The following PCDHA12 variants were observed in gnomAD, a reference collection of about 807,000 sequenced individuals.
The protein encoded by PCDHA12 is protocadherin alpha 12.
A neutral mutation model predicts 60.0 loss-of-function variants in PCDHA12; 44 were observed. The ratio of observed to expected loss-of-function variants is 0.73; its 90% CI spans 0.58 to 0.94. The LOEUF is 0.94. PCDHA12 is among the 40% of genes least tolerant of loss of function. PCDHA12 has a pLI of 0.00. For missense variants in PCDHA12, 1,276 were observed against 1,239.7 expected, an observed-to-expected ratio of 1.03 and a Z score of -0.44; for synonymous variants, 569 against 553.0, an observed-to-expected ratio of 1.03 and a Z score of -0.40.
At chr5:140,891,431 A>G (rs912407002) in intron 1 of PCDHA12, among the ~76,000 whole-genome samples, 1 of 143,446 alleles carries the variant, frequency 7.0e-6, no homozygotes, top group Non-Finnish European at 1.5e-5. Context: ...CAAGTCCCCA[A>G]CGTCCATTGT....
chr5:140,929,077 A>C, intron 1 of PCDHA12: 1 of 1,614,168 alleles, frequency 6.2e-7, no homozygotes, highest in Non-Finnish European at 8.5e-7. Flanking sequence ...GAGGTATGGA[A>C]GTAAGATGGT....
At chr5:140,893,066 A>G (rs1221245824) in intron 1 of PCDHA12, among the ~76,000 whole-genome samples, 1 of 152,248 alleles carries the variant, frequency 6.6e-6, no homozygotes, top group Admixed American at 6.5e-5. Flanking sequence ...ACTGCCATGA[A>G]TAACAGGATT....
At chr5:140,972,353 T>C (rs571045648) in intron 1 of PCDHA12, among the ~76,000 whole-genome samples, 5 of 152,058 alleles carry the variant, frequency 3.3e-5, no homozygotes, top group South Asian at 2.1e-4. Flanking sequence ...TCTCACTATG[T>C]TGCACATGCT....
At position 140,928,998 on chromosome 5, in the gene PCDHA12, C is replaced by G. The variant is rs1448389331; in HGVS notation, c.2368-49951C>G. On this transcript the variant is annotated intron_variant, in intron 1 of 3. Coordinates refer to ENST00000398631, the MANE Select transcript of PCDHA12 (RefSeq NM_018903.4). The stretch of plus-strand genomic sequence containing the variant: ...TATTTCTGGGGTGCTTACTTTTCTT[C>G]GTGTGTACCAAGTTGCACCAGAGCC... The G allele has an allele frequency of 8.1e-6, 13 of 1,613,784 alleles. No individual in the cohort carries two copies. The Admixed American group carries it at 2.2e-4, about 27-fold the overall frequency.
intron 3 of PCDHA12, among the ~76,000 whole-genome samples, chr5:140,997,706 A>G (rs1387378770): frequency 3.3e-5 from 5 of 151,686 alleles, no homozygotes; most frequent in African/African-American, 1.2e-4. Flanking sequence ...GTATGTTAAC[A>G]AACACCTTTC....
intron 1 of PCDHA12, among the ~76,000 whole-genome samples, chr5:140,894,231 G>A (rs1265861426): frequency 1.3e-5 from 2 of 151,980 alleles, no homozygotes; most frequent in South Asian, 2.1e-4. Flanking sequence ...GATGTTGAAT[G>A]ACAATGTAAT....
At chr5:141,001,030 G>A (rs1356604139) in intron 3 of PCDHA12, among the ~76,000 whole-genome samples, 1 of 151,894 alleles carries the variant, frequency 6.6e-6, no homozygotes, top group Non-Finnish European at 1.5e-5. Context: ...TATAATAATA[G>A]CTTTAATTAA....
rs376929883 is a variant in PCDHA12 at position 140,967,867 on chromosome 5, C to T, written c.2368-11082C>T. Reference sequence around the variant, plus strand: ...ATGACAATGCCCCAGAGGTGGTGCTCACGGACCTGTATAGCCCAGTGCCTG... The same window carrying T: ...ATGACAATGCCCCAGAGGTGGTGCTTACGGACCTGTATAGCCCAGTGCCTG... On this transcript the variant is annotated intron_variant, in intron 1 of 3. Coordinates refer to ENST00000398631, the MANE Select transcript of PCDHA12 (RefSeq NM_018903.4). 48 of 1,614,012 alleles carry T rather than the reference C, an allele frequency of 3.0e-5. No individual in the cohort carries two copies. The African/African-American group carries it at 6.0e-4, about 20-fold the overall frequency.
At chr5:140,895,863 G>A (rs1450764434) in intron 1 of PCDHA12, among the ~76,000 whole-genome samples, 3 of 152,162 alleles carry the variant, frequency 2.0e-5, no homozygotes, top group African/African-American at 7.2e-5. Flanking sequence ...CCAGGCTGGA[G>A]TGCAATGGCG....
At position 140,884,460 on chromosome 5, in the gene PCDHA12, C is replaced by T. The variant is rs782410675; in HGVS notation, c.2367+6621C>T. ...TGCTCGGCACCGCCCACCGAGGGCG[C>T]GTGCGCGCCGGGCAAGCCCACTCTA... On this transcript the variant is annotated intron_variant, in intron 1 of 3. Coordinates refer to ENST00000398631, the MANE Select transcript of PCDHA12 (RefSeq NM_018903.4). The T allele has an allele frequency of 2.5e-6, 4 of 1,613,730 alleles. No homozygotes were observed. The highest frequency in any genetic ancestry group is 3.3e-5 in the Admixed American group (2 of 59,998).
intron 1 of PCDHA12, among the ~76,000 whole-genome samples, chr5:140,935,413 T>C (rs1011900671): frequency 1.3e-5 from 2 of 152,246 alleles, no homozygotes; most frequent in Non-Finnish European, 2.9e-5. Flanking sequence ...ACAATGGACT[T>C]AGAAAACAAT....
intron 1 of PCDHA12, among the ~76,000 whole-genome samples, chr5:140,925,937 C>T (rs1244990026): frequency 1.4e-5 from 2 of 138,450 alleles, no homozygotes; most frequent in East Asian, 3.9e-4. Flanking sequence ...AGTAGAGCCT[C>T]TTGGAGAAGG....
intron 1 of PCDHA12, chr5:140,883,531 T>C (rs782406173): frequency 6.8e-6 from 11 of 1,614,092 alleles, no homozygotes; most frequent in Middle Eastern, 1.6e-4. Flanking sequence ...TATCAGCCTA[T>C]GAACTGGTGG....
At position 141,010,553 on chromosome 5, in the gene PCDHA12, C is replaced by T; in HGVS notation, c.*616C>T. ...CCACCCTCTAGGAGACAAAACTACC[C>T]CCACTGACAAGGCTTTAGGAGACCC... is the stretch of plus-strand genomic sequence containing the variant. On this transcript the variant is annotated 3_prime_UTR_variant, in exon 4 of 4. Transcript: ENST00000398631. The T allele has an allele frequency of 6.2e-6, 2 of 323,850 alleles. No homozygotes were observed. The highest frequency in any genetic ancestry group is 1.1e-5 in the Non-Finnish European group (2 of 176,368). 20.1% of individuals were successfully genotyped at this position (323,850 alleles called of 1,614,324 possible). A position where few individuals can be genotyped will look rare whatever the true frequency, so the allele number is the denominator to read the frequency against.
intron 1 of PCDHA12, chr5:140,883,262 G>A (rs1211665444): frequency 6.2e-7 from 1 of 1,613,838 alleles, no homozygotes; most frequent in Non-Finnish European, 8.5e-7. Context: ...TCCAATGGCG[G>A]GTCATTGTAC....
At chr5:140,998,196 C>T (rs960565673) in intron 3 of PCDHA12, among the ~76,000 whole-genome samples, 2 of 152,164 alleles carry the variant, frequency 1.3e-5, no homozygotes, top group African/African-American at 4.8e-5. Flanking sequence ...CAAGTATTAA[C>T]TCCTTTAATC....
At chr5:140,970,221 C>G (rs2096390879) in intron 1 of PCDHA12, among the ~76,000 whole-genome samples, 1 of 152,182 alleles carries the variant, frequency 6.6e-6, no homozygotes, top group South Asian at 2.1e-4. Context: ...TTAAATGCAG[C>G]CTGTAATCTT....
At chr5:140,997,291 G>C (rs2097766119) in intron 3 of PCDHA12, among the ~76,000 whole-genome samples, 1 of 152,030 alleles carries the variant, frequency 6.6e-6, no homozygotes, top group African/African-American at 2.4e-5. Flanking sequence ...TTAACAATGG[G>C]GATACACTGA....
At chr5:140,925,176 A>G (rs187925786) in intron 1 of PCDHA12, among the ~76,000 whole-genome samples, 2 of 152,236 alleles carry the variant, frequency 1.3e-5, no homozygotes, top group African/African-American at 2.4e-5. Context: ...ATTGACCCCA[A>G]TGTACCATCA....
Sources: allele counts gnomAD v4.1 joint callset (sites outside exome capture counted in the v4.1 genomes callset), GRCh38; gene constraint gnomAD v4.1.1; transcripts MANE v1.5; gene names NCBI Gene and HGNC (gene_info 2026-07-23, HGNC 2026-07-21).